TBCK: variants seen among roughly 807,000 people sequenced by gnomAD.
The protein encoded by TBCK is TBC1 domain containing kinase, also known as TBC domain-containing protein kinase-like protein.
TBCK carries 99 observed loss-of-function variants against 113.4 expected under a neutral mutation model. That is an observed-to-expected ratio of 0.87 (90% CI 0.74 to 1.03). TBCK has a LOEUF of 1.03. Among genes scored for constraint, TBCK ranks in the 50% least tolerant of loss-of-function variants. The pLI is 0.00. For synonymous variants in TBCK, 369 were observed against 370.8 expected (o/e 1.00, Z 0.05); for missense variants, 1,045 against 1,061.3 (o/e 0.98, Z 0.21).
intron 2 of TBCK, among the ~76,000 whole-genome samples, chr4:106,305,683 G>A (rs1251922597): frequency 6.6e-6 from 1 of 152,084 alleles, no homozygotes; most frequent in Non-Finnish European, 1.5e-5. Context: ...AAGAGGTTAA[G>A]GCATTCTTAG....
At position 106,212,837 on chromosome 4, in the gene TBCK, T is replaced by C; in HGVS notation, c.1775-2A>G. 2 of 1,601,192 alleles carry C rather than the reference T, an allele frequency of 1.2e-6. No homozygotes were observed. The highest frequency in any genetic ancestry group is 1.1e-5 in the South Asian group (1 of 89,920). ...TCTGAGAGAAGACAGTCAGATACTC[T>C]GAAATTACAAAGTTTGAGACAATCA... On this transcript the variant is annotated splice_acceptor_variant, in intron 19 of 25. Coordinates refer to ENST00000394708, the MANE Select transcript of TBCK (RefSeq NM_001163435.3). LOFTEE classifies it high-confidence loss of function.
In TBCK at chr4:106,240,092, T is replaced by C. The variant is rs76526554; in HGVS notation, c.1170+2378A>G. Among the ~76,000 whole-genome samples the C allele has an allele frequency of 5.2e-4, 79 of 152,028 alleles. 1 individual carries two copies. In the East Asian group the frequency reaches 0.014, roughly 26 times the overall value. ...CATGGCTCAACATTGAAAAACCCCA[T>C]CAACATAATTAAATCCATTAACATA... On this transcript the variant is annotated intron_variant, in intron 12 of 25. Coordinates refer to ENST00000394708, the MANE Select transcript of TBCK (RefSeq NM_001163435.3).
intron 25 of TBCK, among the ~76,000 whole-genome samples, chr4:106,071,750 T>G (rs906757803): frequency 5.9e-5 from 9 of 152,282 alleles, no homozygotes; most frequent in African/African-American, 2.2e-4. Context: ...TTTGTAGGTC[T>G]CTAGGACTTG....
chr4:106,197,411 G>GTATATATATATATATATATATA (rs1553957897), intron 20 of TBCK, among the ~76,000 whole-genome samples: 5 of 122,456 alleles, frequency 4.1e-5, no homozygotes, highest in African/African-American at 1.5e-4. Flanking sequence ...GTGTGTGTGT[G>GTATATATATATATATATATATA]TATATATATA....
At chr4:106,050,796 C>A (rs1215985835) in intron 25 of TBCK, among the ~76,000 whole-genome samples, 1 of 151,984 alleles carries the variant, frequency 6.6e-6, no homozygotes, top group Non-Finnish European at 1.5e-5. Context: ...TATCTCCTGG[C>A]ACAGTATCTG....
At chr4:106,165,386 C>A (rs1750247129) in intron 23 of TBCK, among the ~76,000 whole-genome samples, 1 of 151,614 alleles carries the variant, frequency 6.6e-6, no homozygotes. Flanking sequence ...AAGTAAAGGT[C>A]AAAGTGAAAT....
chr4:106,223,442 C>T (rs1447679657), intron 19 of TBCK, among the ~76,000 whole-genome samples: 1 of 152,076 alleles, frequency 6.6e-6, no homozygotes, highest in Non-Finnish European at 1.5e-5. Context: ...TCCCAGTTGG[C>T]ATCTGTAGAC....
intron 2 of TBCK, among the ~76,000 whole-genome samples, chr4:106,296,756 AATG>A (rs1766350309): frequency 6.6e-6 from 1 of 152,212 alleles, no homozygotes; most frequent in Admixed American, 6.5e-5. Context: ...TGAAATAGCA[AATG>A]ATGAAGCTAG....
At chr4:106,147,775 G>A (rs61027099) in intron 23 of TBCK, among the ~76,000 whole-genome samples, 1 of 152,040 alleles carries the variant, frequency 6.6e-6, no homozygotes, top group Admixed American at 6.5e-5. Context: ...TGGGCACCTT[G>A]AAAAAAGAAC....
chr4:106,216,600 T>C (rs1401170984), intron 19 of TBCK, among the ~76,000 whole-genome samples: 1 of 152,096 alleles, frequency 6.6e-6, no homozygotes, highest in Non-Finnish European at 1.5e-5. Flanking sequence ...TCTATGCAAA[T>C]AAACTAGAAA....
At chr4:106,305,495 T>G (rs1468871365) in intron 2 of TBCK, among the ~76,000 whole-genome samples, 1 of 151,786 alleles carries the variant, frequency 6.6e-6, no homozygotes, top group African/African-American at 2.4e-5. Flanking sequence ...CTTTTATATA[T>G]GAGTTTGATT....
intron 1 of TBCK, among the ~76,000 whole-genome samples, chr4:106,311,134 T>C (rs970543182): frequency 4.0e-5 from 6 of 150,992 alleles, no homozygotes; most frequent in African/African-American, 1.5e-4. Flanking sequence ...TAAGTGGGAG[T>C]GTAAATTAGT....
chr4:106,045,119 C>G lies in TBCK; in HGVS notation c.*1451G>C, dbSNP rs2149437100. 1 of 148,296 alleles carries G rather than the reference C, an allele frequency of 6.7e-6. No individual in the cohort carries two copies. Among genetic ancestry groups the G allele is most frequent in the South Asian group, 2.1e-4 (1 of 4,716 alleles). The allele number at this position is 148,296 out of a possible 1,614,324, so 9.2% of individuals were successfully genotyped here. Reference sequence around the variant, plus strand: ...TGTTGCCCAGGCTGGGGTACAGTGGCCCTATCATGGCTCATTGCAACCTCT... The same window carrying G: ...TGTTGCCCAGGCTGGGGTACAGTGGGCCTATCATGGCTCATTGCAACCTCT... On this transcript the variant is annotated 3_prime_UTR_variant, in exon 26 of 26. Transcript: ENST00000394708.
chr4:106,120,330 C>T (rs1309599890), intron 23 of TBCK, among the ~76,000 whole-genome samples: 1 of 152,062 alleles, frequency 6.6e-6, no homozygotes, highest in African/African-American at 2.4e-5. Context: ...CACAGAGTCT[C>T]GCTGATTGCT....
chr4:106,233,163 A>T (rs1210766085), intron 16 of TBCK, 99 bp from the exon 17 acceptor site: 1 of 1,224,670 alleles, frequency 8.2e-7, no homozygotes, highest in Non-Finnish European at 1.1e-6. Flanking sequence ...AGAAGCTATA[A>T]TATGAATTTC....
intron 22 of TBCK, among the ~76,000 whole-genome samples, chr4:106,191,939 G>T (rs962162818): frequency 5.3e-5 from 8 of 152,094 alleles, no homozygotes; most frequent in Non-Finnish European, 2.9e-5. Context: ...CCTAAAACAA[G>T]CAAGATAACA....
At chr4:106,170,963 A>G (rs551201072) in intron 23 of TBCK, 132 bp downstream of exon 23, 2 of 649,678 alleles carry the variant, frequency 3.1e-6, no homozygotes, top group East Asian at 6.3e-5. Context: ...TATGAATCAA[A>G]TCATGTGTTA....
At chr4:106,089,374 T>C (rs1462016851) in intron 25 of TBCK, among the ~76,000 whole-genome samples, 3 of 152,138 alleles carry the variant, frequency 2.0e-5, no homozygotes, top group East Asian at 1.9e-4. Flanking sequence ...ACATTGAACA[T>C]AGGGATTATG....
chr4:106,166,107 A>G (rs1750339892), intron 23 of TBCK, among the ~76,000 whole-genome samples: 1 of 151,778 alleles, frequency 6.6e-6, no homozygotes, highest in African/African-American at 2.4e-5. Context: ...GCTAATTTTA[A>G]TAAATATTCT....
Sources: gnomAD v4.1 joint callset for allele counts (sites outside exome capture counted in the v4.1 genomes callset) on GRCh38, gnomAD v4.1.1 for gene constraint, MANE v1.5 for transcripts, NCBI Gene and HGNC (gene_info 2026-07-23, HGNC 2026-07-21) for gene names.